PTPRD: variants seen among roughly 807,000 people sequenced by gnomAD.
The protein encoded by PTPRD is receptor-type tyrosine-protein phosphatase delta.
A neutral mutation model predicts 214.5 loss-of-function variants in PTPRD; 34 were observed. The observed-to-expected ratio is 0.16, with a 90% CI of 0.12 to 0.21. PTPRD has a LOEUF of 0.21. PTPRD is among the 10% of genes least tolerant of loss of function. The pLI, the probability that PTPRD is intolerant of heterozygous loss-of-function variation, is 1.00. For missense variants in PTPRD, 2,545 were observed against 2,398.7 expected (o/e 1.06, Z -1.27); for synonymous variants, 1,128 against 845.7 (o/e 1.33, Z -5.79).
chr9:10,551,052 G>C (rs1447258388), intron 2 of PTPRD, among the ~76,000 whole-genome samples: 1 of 152,154 alleles, frequency 6.6e-6, no homozygotes, highest in Non-Finnish European at 1.5e-5. Flanking sequence ...TTACATATTA[G>C]GCTGAGTGCA....
At position 10,198,024 on chromosome 9, in the gene PTPRD, T is replaced by G. The variant is rs576549253; in HGVS notation, c.-545+142939A>C. 8.5e-5 allele frequency among the ~76,000 whole-genome samples: 13 copies of G among 152,282 alleles called. No homozygotes were observed. In the South Asian group the frequency reaches 2.7e-3, roughly 32 times the overall value. Reference sequence around the variant, plus strand: ...TTTCAACCTAGAGATAATTTAATCTTTTAAAATTGTTTCTTCTATTCATAT... The same window carrying G: ...TTTCAACCTAGAGATAATTTAATCTGTTAAAATTGTTTCTTCTATTCATAT... On this transcript the variant is annotated intron_variant, in intron 3 of 45. Transcript: ENST00000381196.
At chr9:9,326,634 G>C (rs1181260478) in intron 9 of PTPRD, among the ~76,000 whole-genome samples, 5 of 151,194 alleles carry the variant, frequency 3.3e-5, no homozygotes, top group Admixed American at 2.6e-4. Flanking sequence ...ACAAGCATGA[G>C]AGCATTGAAG....
At chr9:9,907,967 T>C (rs1194607267) in intron 5 of PTPRD, among the ~76,000 whole-genome samples, 1 of 152,002 alleles carries the variant, frequency 6.6e-6, no homozygotes, top group Non-Finnish European at 1.5e-5. Context: ...AATGTATTAA[T>C]GTATCATGTA....
At chr9:10,342,253 T>C (rs942925586) in intron 2 of PTPRD, among the ~76,000 whole-genome samples, 5 of 152,062 alleles carry the variant, frequency 3.3e-5, no homozygotes, top group African/African-American at 1.2e-4. Flanking sequence ...AGGTAACAAA[T>C]CCTCTTCACT....
In PTPRD at chr9:8,575,750, A is replaced by G. The variant is rs753644370; in HGVS notation, c.353-46971T>C. On this transcript the variant is annotated intron_variant, in intron 14 of 45. Coordinates refer to ENST00000381196, the MANE Select transcript of PTPRD (RefSeq NM_002839.4). ...TGCTCAGTTTTTCAAAATGAGTTTA[A>G]GTTGCAAAAACAAATGGGAAATTGT... 2.6e-5 allele frequency among the ~76,000 whole-genome samples: 4 copies of G among 152,334 alleles called. 1 individual carries two copies. The South Asian group carries it at 8.3e-4, about 32-fold the overall frequency.
chr9:10,447,799 T>G (rs1178001477), intron 2 of PTPRD, among the ~76,000 whole-genome samples: 1 of 151,942 alleles, frequency 6.6e-6, no homozygotes, highest in Non-Finnish European at 1.5e-5. Flanking sequence ...ACTGCTCTAT[T>G]ATTCTATGCA....
chr9:9,706,226 G>C (rs1399211159), intron 7 of PTPRD, among the ~76,000 whole-genome samples: 26 of 151,976 alleles, frequency 1.7e-4, no homozygotes, highest in African/African-American at 2.4e-5. Flanking sequence ...ATCTGTTTTA[G>C]ATTTCATATT....
intron 10 of PTPRD, among the ~76,000 whole-genome samples, chr9:9,168,084 G>A (rs1355382639): frequency 6.6e-6 from 1 of 152,108 alleles, no homozygotes; most frequent in African/African-American, 2.4e-5. Flanking sequence ...CTGGTCCACT[G>A]CCTCTTTTCT....
At chr9:10,024,965 AT>A (rs911052971) in intron 4 of PTPRD, among the ~76,000 whole-genome samples, 1 of 151,524 alleles carries the variant, frequency 6.6e-6, no homozygotes, top group Non-Finnish European at 1.5e-5. Context: ...TGAACTCATC[AT>A]TTTTTATGGA....
chr9:9,450,748 TGG>T (rs74997318), intron 8 of PTPRD, among the ~76,000 whole-genome samples: 5 of 144,174 alleles, frequency 3.5e-5, no homozygotes, highest in South Asian at 2.2e-4. Flanking sequence ...GTACATATTA[TGG>T]GGGGGGGTGT....
At chr9:8,435,272 GCTT>G (rs767579520) in intron 35 of PTPRD, among the ~76,000 whole-genome samples, 4 of 152,144 alleles carry the variant, frequency 2.6e-5, no homozygotes, top group Non-Finnish European at 4.4e-5. Context: ...CTTACATGGA[GCTT>G]CTTCTTATTT....
At chr9:9,393,574 G>C (rs948957927) in intron 9 of PTPRD, among the ~76,000 whole-genome samples, 3 of 152,086 alleles carry the variant, frequency 2.0e-5, no homozygotes, top group East Asian at 3.9e-4. Context: ...TCCACTCTCA[G>C]CATCATGAGG....
intron 2 of PTPRD, among the ~76,000 whole-genome samples, chr9:10,564,089 T>C (rs1290353674): frequency 5.4e-5 from 8 of 149,186 alleles, no homozygotes; most frequent in African/African-American, 1.7e-4. Flanking sequence ...TACTGCAGCC[T>C]CTGGGGCTCA....
chr9:8,500,464 G>C (rs1216161164), intron 24 of PTPRD, among the ~76,000 whole-genome samples: 1 of 144,406 alleles, frequency 6.9e-6, no homozygotes, highest in African/African-American at 2.5e-5. Context: ...GAAGACTTTA[G>C]ATGGAGGCAC....
At chr9:10,172,517 C>A (rs2099215719) in intron 3 of PTPRD, among the ~76,000 whole-genome samples, 1 of 152,174 alleles carries the variant, frequency 6.6e-6, no homozygotes, top group Non-Finnish European at 1.5e-5. Flanking sequence ...CACTTTCTAT[C>A]CATAATTCTC....
At chr9:9,785,121 G>C (rs1041704467) in intron 5 of PTPRD, among the ~76,000 whole-genome samples, 41 of 151,612 alleles carry the variant, frequency 2.7e-4, no homozygotes, top group African/African-American at 9.2e-4. Flanking sequence ...GTATATTTTT[G>C]TTTCTGCTCA....
At chr9:10,041,332 T>C (rs1419668368) in intron 3 of PTPRD, among the ~76,000 whole-genome samples, 2 of 151,980 alleles carry the variant, frequency 1.3e-5, no homozygotes, top group East Asian at 3.9e-4. Context: ...AGTAAATAAA[T>C]AGAAATGTGA....
intron 9 of PTPRD, among the ~76,000 whole-genome samples, chr9:9,310,901 A>G (rs1958762478): frequency 1.3e-5 from 2 of 151,420 alleles, no homozygotes; most frequent in East Asian, 3.9e-4. Flanking sequence ...CTGGGCAACA[A>G]GAGCAAAGCT....
Position 9,982,508 on chromosome 9 carries a change from G to C in PTPRD, c.-471-43898C>G, listed in dbSNP as rs1467468633. The stretch of plus-strand genomic sequence containing the variant: ...TGTGTGTGTGTGTGTGTGTGTGTGT[G>C]TGTGTGTTGGCATAAACTAATTGCA... On this transcript the variant is annotated intron_variant, in intron 4 of 45. Transcript: ENST00000381196. 3.4e-5 allele frequency among the ~76,000 whole-genome samples: 4 copies of C among 118,834 alleles called. No individual in the cohort carries two copies. In the East Asian group the frequency reaches 9.2e-4, roughly 27 times the overall value. 78.0% of individuals were successfully genotyped at this position (118,834 alleles called of 152,430 possible).
Sources: gnomAD v4.1 joint callset for allele counts (sites outside exome capture counted in the v4.1 genomes callset) on GRCh38, gnomAD v4.1.1 for gene constraint, MANE v1.5 for transcripts, NCBI Gene and HGNC (gene_info 2026-07-23, HGNC 2026-07-21) for gene names.